SF3A1: variants seen among roughly 807,000 people sequenced by gnomAD.
SF3A1 encodes SAP 114.
A neutral mutation model predicts 89.9 loss-of-function variants in SF3A1; 13 were observed. The ratio of observed to expected loss-of-function variants is 0.14; its 90% CI spans 0.09 to 0.23. SF3A1 has a LOEUF of 0.23. Ranked by LOEUF, SF3A1 falls within the 10% of genes least tolerant of loss-of-function variation. SF3A1 has a pLI of 1.00. For synonymous variants in SF3A1, 405 were observed against 374.4 expected (o/e 1.08, Z -0.94); for missense variants, 604 against 1,022.1 (o/e 0.59, Z 5.58).
At position 30,340,458 on chromosome 22, in the gene SF3A1, C is replaced by T. The variant is rs1241435940; in HGVS notation, c.1190-77G>A. 5 of 1,399,320 alleles carry T rather than the reference C, an allele frequency of 3.6e-6. No individual in the cohort carries two copies. The East Asian group carries it at 9.1e-5, about 26-fold the overall frequency. The allele number at this position is 1,399,320 out of a possible 1,614,324, so 86.7% of individuals were successfully genotyped here. ...TTAAGAGGGTGGTATTTCATGCGTG[C>T]ATCATTCATCAAGGCATCTATTCAG... On this transcript the variant is annotated intron_variant, in intron 8 of 15. Coordinates refer to ENST00000215793, the MANE Select transcript of SF3A1 (RefSeq NM_005877.6).
chr22:30,341,127 G>A (rs1034989254), intron 7 of SF3A1, among the ~76,000 whole-genome samples: 2 of 152,270 alleles, frequency 1.3e-5, no homozygotes, highest in Non-Finnish European at 2.9e-5. Context: ...GGGTGGGGGC[G>A]GCGAGTCGCC....
chr22:30,340,430 G>C (rs555604699), intron 8 of SF3A1, 49 bp from the exon 9 acceptor site: 1 of 1,567,872 alleles, frequency 6.4e-7, no homozygotes, highest in East Asian at 2.2e-5. Flanking sequence ...GCAGCCACCT[G>C]AGTTAAGAGG....
Position 30,346,324 on chromosome 22 carries a change from C to A in SF3A1, c.381G>T (p.Gln127His). 1 of 1,612,526 alleles carries A rather than the reference C, an allele frequency of 6.2e-7. No homozygotes were observed. Among genetic ancestry groups the A allele is most frequent in the Non-Finnish European group, 8.5e-7 (1 of 1,178,650 alleles). The change falls in exon 3 of 16, where the codon CAG (glutamine) becomes CAT (histidine). Residue 127 changes from glutamine (Q) to histidine (H), a missense_variant. Around this residue, in one of 9 missense-constraint regions of SF3A1, gnomAD observed 162 missense variants for 229.2 expected, o/e 0.71. Transcript: ENST00000215793. The stretch of plus-strand genomic sequence containing the variant: ...CTGGGCTCCAAACCTTCTGGGGCAG[C>A]TGCTGCTGGGTGGTCTGCTGCTGCT... ...MQQQQQTTQQ[Q>H]LPQKVQAQVI...
intron 2 of SF3A1, among the ~76,000 whole-genome samples, chr22:30,351,468 T>C (rs1335050197): frequency 2.6e-5 from 4 of 152,168 alleles, no homozygotes; most frequent in Non-Finnish European, 5.9e-5. Flanking sequence ...CTTCCACACA[T>C]GAAGGAACTG....
chr22:30,340,436 A>T, intron 8 of SF3A1, 55 bp from the exon 9 acceptor site: 1 of 1,552,620 alleles, frequency 6.4e-7, no homozygotes, highest in Admixed American at 1.8e-5. Context: ...ACCTGAGTTA[A>T]GAGGGTGGTA....
rs1263661285 is a variant in SF3A1 at position 30,338,044 on chromosome 22, C to CA, written c.1744-148dup. On this transcript the variant is annotated intron_variant, in intron 11 of 15. Transcript: ENST00000215793. ...CCTGGGACTGAGAAACTGTGGCCTA[C>CA]ACTGGGCGTCCAATAGGAACTGAGC... 6 of 701,570 alleles carry CA rather than the reference C, an allele frequency of 8.6e-6. No homozygotes were observed. In the African/African-American group the frequency reaches 1.1e-4, roughly 12 times the overall value. 43.5% of individuals were successfully genotyped at this position (701,570 alleles called of 1,614,324 possible). A position where few individuals can be genotyped will look rare whatever the true frequency, so the allele number is the denominator to read the frequency against.
At chr22:30,338,050 G>A (rs8137497) in intron 11 of SF3A1, among the ~76,000 whole-genome samples, 153 bp from the exon 12 acceptor site, 2,991 of 152,210 alleles carry the variant, frequency 0.02, 105 homozygotes, top group African/African-American at 0.069. Context: ...CCTACACTGG[G>A]CGTCCAATAG....
rs1931376721 is a variant in SF3A1 at position 30,345,038 on chromosome 22, C to G, written c.546G>C (p.Leu182=). The part of the protein sequence containing the change: ...QFVARNGRQF[L]TQLMQKEQRN... ...GCTGCTCTTTCTGCATCAGCTGGGT[C>G]AGAAACTGGCGCCCATTCCTGGCCA... Residue 182 remains leucine (L), a synonymous_variant, in exon 4 of 16, where the codon CTG becomes CTC. Transcript: ENST00000215793. The G allele has an allele frequency of 6.2e-7, 1 of 1,614,194 alleles. No homozygotes were observed.
chr22:30,352,696 C>T (rs942380242), intron 2 of SF3A1: 17 of 351,928 alleles, frequency 4.8e-5, no homozygotes, highest in African/African-American at 3.1e-4. Flanking sequence ...GCTTTCCAGG[C>T]ATTTCCTCAG....
In SF3A1 at chr22:30,332,469, G is replaced by C. The variant is rs925971214; in HGVS notation, c.*2125C>G. On this transcript the variant is annotated 3_prime_UTR_variant, in exon 16 of 16. Coordinates refer to ENST00000215793, the MANE Select transcript of SF3A1 (RefSeq NM_005877.6). ...TGTGGTCCCCAGGAAGGGATGAGCT[G>C]CTTTGGCTTTCCAGAGCACTCACTG... The C allele has an allele frequency of 5.9e-5, 9 of 152,260 alleles. No individual in the cohort carries two copies. Among genetic ancestry groups the C allele is most frequent in the Non-Finnish European group, 1.0e-4 (7 of 68,052 alleles). The allele number at this position is 152,260 out of a possible 1,614,324, so 9.4% of individuals were successfully genotyped here.
rs887752848 is a variant in SF3A1, at chr22:30,334,539, G to A, written c.*55C>T. 1 of 1,147,860 alleles carries A rather than the reference G, an allele frequency of 8.7e-7. No homozygotes were observed. The highest frequency in any genetic ancestry group is 1.2e-6 in the Non-Finnish European group (1 of 804,918). The allele number at this position is 1,147,860 out of a possible 1,614,324, so 71.1% of individuals were successfully genotyped here. ...GGGGGGCTCCTGGGTCTGGGGCAGG[G>A]GGTGGGAGACAGGAGAGGCAAAATG... On this transcript the variant is annotated 3_prime_UTR_variant, in exon 16 of 16. Transcript: ENST00000215793.
In SF3A1 at chr22:30,342,201, T is replaced by C. The variant is rs550212420; in HGVS notation, c.876A>G (p.Gln292=). ...TGGAGTCACTCCTCACAGACCTACC[T>C]TGCTCATTGGGTTGGAAGTCCACTG... is the stretch of plus-strand genomic sequence containing the variant. The part of the protein sequence containing the change: ...VETVDFQPNE[Q]GNFPPPTTPE... Residue 292 remains glutamine, a splice_region_variant and synonymous_variant, in exon 6 of 16, where the codon CAA becomes CAG. Transcript: ENST00000215793. 4.3e-5 allele frequency: 69 copies of C among 1,614,206 alleles called. No homozygotes were observed. The highest frequency in any genetic ancestry group is 5.8e-5 in the Non-Finnish European group (69 of 1,180,030).
At chr22:30,349,327 T>C (rs1280481328) in intron 2 of SF3A1, among the ~76,000 whole-genome samples, 2 of 152,220 alleles carry the variant, frequency 1.3e-5, no homozygotes, top group East Asian at 3.8e-4. Flanking sequence ...GTCACCCAGG[T>C]GGGAGTGCAG....
intron 12 of SF3A1, 38 bp from the exon 13 acceptor site, chr22:30,337,218 G>A (rs759991505): frequency 1.1e-5 from 17 of 1,569,788 alleles, no homozygotes; most frequent in Non-Finnish European, 1.5e-5. Context: ...TGAGAGGGCA[G>A]AAGGGGCCCA....
At chr22:30,335,362 C>G in intron 15 of SF3A1, 105 bp downstream of exon 15, 1 of 978,902 alleles carries the variant, frequency 1.0e-6, no homozygotes, top group Non-Finnish European at 1.6e-6. Flanking sequence ...ATGGCCACAC[C>G]CAGATATCAC....
intron 2 of SF3A1, among the ~76,000 whole-genome samples, chr22:30,347,966 T>A (rs1931469735): frequency 6.6e-6 from 1 of 152,194 alleles, no homozygotes; most frequent in African/African-American, 2.4e-5. Context: ...CTCAGCCTCC[T>A]GAGTAGCTGG....
chr22:30,347,932 C>G (rs1198104725), intron 2 of SF3A1, among the ~76,000 whole-genome samples: 1 of 152,252 alleles, frequency 6.6e-6, no homozygotes, highest in African/African-American at 2.4e-5. Context: ...ACCTCCACCT[C>G]CTGGGCTCAA....
intron 1 of SF3A1, among the ~76,000 whole-genome samples, chr22:30,353,814 G>C (rs1452185559): frequency 6.6e-6 from 1 of 152,144 alleles, no homozygotes; most frequent in Non-Finnish European, 1.5e-5. Flanking sequence ...AGTTTTGTCT[G>C]CGACTCGTCC....
At chr22:30,339,397 C>A in intron 9 of SF3A1, 146 bp from the exon 10 acceptor site, 5 of 1,020,060 alleles carry the variant, frequency 4.9e-6, no homozygotes, top group Non-Finnish European at 7.1e-6. Context: ...GTCCTCTGGG[C>A]TCGGGGAAAG....
Sources: gnomAD v4.1 joint callset for allele counts (sites outside exome capture counted in the v4.1 genomes callset) on GRCh38, gnomAD v4.1.1 for gene constraint, gnomAD v4.1.1 regional missense constraint, MANE v1.5 for transcripts, NCBI Gene and HGNC (gene_info 2026-07-23, HGNC 2026-07-21) for gene names.